The following ARMC2 variants were observed in gnomAD, a reference collection of about 807,000 sequenced individuals.
ARMC2 encodes the protein armadillo repeat containing 2.
Under a neutral mutation model 90.3 loss-of-function variants are expected in ARMC2, and 67 were observed. That is an observed-to-expected ratio of 0.74 (90% CI 0.61 to 0.91). ARMC2 has a LOEUF of 0.91. Ranked by LOEUF, ARMC2 falls within the 40% of genes least tolerant of loss-of-function variation. The probability of loss-of-function intolerance (pLI) is 0.00; values close to 1 mark genes in which losing one functional copy is unlikely to be tolerated. For missense variants in ARMC2, 920 were observed against 1,030.9 expected, an observed-to-expected ratio of 0.89 and a Z score of 1.47; for synonymous variants, 393 against 393.0, an observed-to-expected ratio of 1.00 and a Z score of 0.00.
chr6:109,024,934 C>T, the ARMC2 span, among the ~76,000 whole-genome samples: 1 of 152,064 alleles, frequency 6.6e-6, no homozygotes, highest in Non-Finnish European at 1.5e-5. Context: ...TTAAAATGGC[C>T]GAACTGGCAA....
At chr6:109,009,328 C>G in the ARMC2 span, 44 of 1,461,208 alleles carry the variant, frequency 3.0e-5, no homozygotes, top group Non-Finnish European at 3.8e-5. Context: ...CCCAGGTACC[C>G]AGCGGCCCGC....
the ARMC2 span, among the ~76,000 whole-genome samples, chr6:109,001,674 G>T: frequency 6.6e-6 from 1 of 152,170 alleles, no homozygotes; most frequent in Non-Finnish European, 1.5e-5. Context: ...ATATTATATA[G>T]TAGGGGATAA....
At chr6:109,048,973 C>T in the ARMC2 span, among the ~76,000 whole-genome samples, 2 of 152,174 alleles carry the variant, frequency 1.3e-5, no homozygotes, top group African/African-American at 4.8e-5. Context: ...GCAAGTCTCT[C>T]TAGGACTTAG....
chr6:108,932,473 TA>T (rs1297160461), intron 11 of ARMC2, among the ~76,000 whole-genome samples: 1 of 148,466 alleles, frequency 6.7e-6, no homozygotes, highest in Non-Finnish European at 1.5e-5. Flanking sequence ...GCTAGCCTGT[TA>T]CCCCGTGATT....
chr6:108,862,173 G>A (rs775367344), intron 3 of ARMC2, among the ~76,000 whole-genome samples: 18 of 151,616 alleles, frequency 1.2e-4, no homozygotes, highest in Admixed American at 1.3e-4. Context: ...GTGAAACCCC[G>A]TCTCTACTAA....
chr6:108,899,537 C>T (rs1291187355), intron 6 of ARMC2, among the ~76,000 whole-genome samples, 157 bp from the exon 7 acceptor site: 1 of 152,062 alleles, frequency 6.6e-6, no homozygotes, highest in Non-Finnish European at 1.5e-5. Flanking sequence ...ATTAGAAGAC[C>T]TGTAGTTCTA....
the ARMC2 span, among the ~76,000 whole-genome samples, chr6:109,004,576 G>A: frequency 7.9e-5 from 12 of 151,872 alleles, no homozygotes; most frequent in Admixed American, 7.9e-4. Flanking sequence ...GACCACAGGC[G>A]TGTGCCGCCA....
chr6:108,854,196 A>T (rs79306305), intron 1 of ARMC2, 29 bp from the exon 2 acceptor site: 1 of 1,214,906 alleles, frequency 8.2e-7, no homozygotes, highest in Non-Finnish European at 1.2e-6. Flanking sequence ...GACAAAAATA[A>T]TGATGGTTTT....
At chr6:108,944,181 G>A (rs1776645493) in intron 12 of ARMC2, among the ~76,000 whole-genome samples, 1 of 152,174 alleles carries the variant, frequency 6.6e-6, no homozygotes, top group Admixed American at 6.5e-5. Flanking sequence ...TTTCTCTACA[G>A]GAGCAGAGCT....
chr6:108,876,392 TATC>T (rs1776944016), intron 5 of ARMC2, 42 bp downstream of exon 5: 1 of 1,552,292 alleles, frequency 6.4e-7, no homozygotes, highest in Admixed American at 2.0e-5. Context: ...AGGATAATGG[TATC>T]ATTTACCAGT....
In ARMC2 at chr6:108,904,319, A is replaced by C. The variant is rs1239260289; in HGVS notation, c.937A>C (p.Arg313=). The part of the protein sequence containing the change: ...GNMLGNKFKG[R]SILLKTLCKL... ...CATGCTTGGAAATAAATTTAAGGGA[A>C]GAAGTATTCTCCTGAAGACCCTGTG... The change falls in exon 8 of 18, where the codon AGA becomes CGA. Residue 313 remains arginine (R), a synonymous_variant. Coordinates refer to ENST00000392644, the MANE Select transcript of ARMC2 (RefSeq NM_032131.6). 3 of 1,613,958 alleles carry C rather than the reference A, an allele frequency of 1.9e-6. No homozygotes were observed. The highest frequency in any genetic ancestry group is 4.5e-5 in the East Asian group (2 of 44,868).
rs200019323 is a variant in ARMC2 at position 108,907,461 on chromosome 6, T to TC, written c.1023+3056_1023+3057insC. Among the ~76,000 whole-genome samples the TC allele has an allele frequency of 3.9e-3, 429 of 110,608 alleles. 2 individuals carry two copies. The highest frequency in any genetic ancestry group is 8.6e-3 in the African/African-American group (295 of 34,136). 72.6% of individuals were successfully genotyped at this position (110,608 alleles called of 152,430 possible). ...TGTTCTTCTGTTTTCTTTCTTTCTT[T>TC]TTTTTTTTTTTTTTTTACCAGTCAT... On this transcript the variant is annotated intron_variant, in intron 8 of 17. Coordinates refer to ENST00000392644, the MANE Select transcript of ARMC2 (RefSeq NM_032131.6).
intron 6 of ARMC2, among the ~76,000 whole-genome samples, chr6:108,895,949 T>C (rs1771571766): frequency 1.3e-5 from 2 of 152,180 alleles, no homozygotes. Context: ...ACCAAACTAG[T>C]GTGGGGTACA....
chr6:109,004,005 A>C, the ARMC2 span, among the ~76,000 whole-genome samples: 4 of 152,204 alleles, frequency 2.6e-5, no homozygotes, highest in African/African-American at 4.8e-5. Context: ...GAGACTTGGG[A>C]CTTTAGTATA....
At chr6:108,961,235 C>A (rs1438693688) in intron 13 of ARMC2, among the ~76,000 whole-genome samples, 1 of 152,132 alleles carries the variant, frequency 6.6e-6, no homozygotes. Context: ...AGAAAACAGG[C>A]GGGATTGGAG....
chr6:108,926,957 G>C (rs1361788125), intron 10 of ARMC2, among the ~76,000 whole-genome samples: 3 of 150,076 alleles, frequency 2.0e-5, no homozygotes, highest in African/African-American at 4.9e-5. Flanking sequence ...GTGTTTTCAG[G>C]GTAGTCAGTT....
chr6:108,935,655 C>T (rs1217446956), intron 11 of ARMC2, among the ~76,000 whole-genome samples: 3 of 152,098 alleles, frequency 2.0e-5, no homozygotes, highest in Non-Finnish European at 4.4e-5. Context: ...GTTAGCCAGG[C>T]TGGTCTTGAA....
intron 3 of ARMC2, among the ~76,000 whole-genome samples, chr6:108,864,349 A>G (rs1317285935): frequency 6.6e-6 from 1 of 151,496 alleles, no homozygotes. Context: ...CCCGGGTTCA[A>G]GTGATTCTCC....
intron 17 of ARMC2, among the ~76,000 whole-genome samples, chr6:108,966,108 C>T (rs1357287275): frequency 6.9e-6 from 1 of 144,528 alleles, no homozygotes; most frequent in East Asian, 2.0e-4. Context: ...TGCCCAGCCA[C>T]CATACTAGAT....
Sources: gnomAD v4.1 joint callset for allele counts (sites outside exome capture counted in the v4.1 genomes callset) on GRCh38, gnomAD v4.1.1 for gene constraint, MANE v1.5 for transcripts, NCBI Gene and HGNC (gene_info 2026-07-23, HGNC 2026-07-21) for gene names.